INVS: variants seen among roughly 807,000 people sequenced by gnomAD.
INVS encodes inversion of embryo turning homolog.
A neutral mutation model predicts 108.8 loss-of-function variants in INVS; 86 were observed. The observed-to-expected ratio is 0.79, with a 90% confidence interval of 0.66 to 0.95. The LOEUF is 0.95. INVS is among the 40% of genes least tolerant of loss of function. INVS has a pLI of 0.00. For missense variants in INVS, 1,169 were observed against 1,297.4 expected, an observed-to-expected ratio of 0.90 and a Z score of 1.52; for synonymous variants, 455 against 473.5, an observed-to-expected ratio of 0.96 and a Z score of 0.51.
intron 3 of INVS, among the ~76,000 whole-genome samples, chr9:100,192,663 C>G (rs914709026): frequency 4.6e-5 from 7 of 152,192 alleles, no homozygotes; most frequent in Non-Finnish European, 1.0e-4. Context: ...CCACTTTACA[C>G]TCTGACCAAC....
intron 12 of INVS, among the ~76,000 whole-genome samples, chr9:100,280,309 C>A (rs1833236163): frequency 6.6e-6 from 1 of 152,176 alleles, no homozygotes. Context: ...TCCTCTTCAC[C>A]CTGTGGAGCA....
chr9:100,255,243 GT>G (rs1214585340), intron 10 of INVS, among the ~76,000 whole-genome samples: 1 of 152,188 alleles, frequency 6.6e-6, no homozygotes. Context: ...AGGAATGCTT[GT>G]GATTTTTGTA....
At chr9:100,219,504 C>A (rs928425377) in intron 3 of INVS, among the ~76,000 whole-genome samples, 3 of 152,070 alleles carry the variant, frequency 2.0e-5, no homozygotes, top group Non-Finnish European at 2.9e-5. Flanking sequence ...TCAGACAAAA[C>A]CCAGTGTGGT....
intron 11 of INVS, among the ~76,000 whole-genome samples, chr9:100,270,748 CAAAAAAA>C (rs746291227): frequency 3.0e-4 from 14 of 47,186 alleles, no homozygotes; most frequent in African/African-American, 6.8e-4. Flanking sequence ...AACTCCATCT[CAAAAAAA>C]AAAAAAAAAA....
chr9:100,245,268 GTTGTTTTTGTT>G (rs973497466), intron 7 of INVS, among the ~76,000 whole-genome samples: 2 of 151,766 alleles, frequency 1.3e-5, no homozygotes, highest in Non-Finnish European at 2.9e-5. Flanking sequence ...AATTTTTTTT[GTTGTTTTTGTT>G]TTGTTTTTGT....
intron 4 of INVS, among the ~76,000 whole-genome samples, chr9:100,228,535 T>C (rs1269148241): frequency 6.6e-6 from 1 of 152,224 alleles, no homozygotes; most frequent in African/African-American, 2.4e-5. Context: ...AGGTCCTTGG[T>C]GATAACCAGA....
rs542328399 is a variant in INVS, at chr9:100,156,016, A to G, written c.273+29467A>G. ...CCAGATTGTGTCTCTCAATACCACT[A>G]AAAGGAATCAGAACTCCTTAGAGAA... On this transcript the variant is annotated intron_variant, in intron 3 of 16. Coordinates refer to ENST00000262457, the MANE Select transcript of INVS (RefSeq NM_014425.5). 2.0e-5 allele frequency among the ~76,000 whole-genome samples: 3 copies of G among 152,284 alleles called. No homozygotes were observed. In the South Asian group the frequency reaches 6.2e-4, roughly 32 times the overall value.
At chr9:100,167,700 G>A (rs1320524417) in intron 3 of INVS, among the ~76,000 whole-genome samples, 1 of 151,982 alleles carries the variant, frequency 6.6e-6, no homozygotes, top group African/African-American at 2.4e-5. Flanking sequence ...CTGAAGTTGG[G>A]GTTTTATTTT....
chr9:100,150,302 C>G (rs1450273316), intron 3 of INVS, among the ~76,000 whole-genome samples: 1 of 152,176 alleles, frequency 6.6e-6, no homozygotes, highest in Admixed American at 6.5e-5. Flanking sequence ...CATCTCTTCT[C>G]TGACTCCCAT....
intron 10 of INVS, among the ~76,000 whole-genome samples, chr9:100,264,065 A>G (rs1832710727): frequency 2.0e-5 from 3 of 152,182 alleles, no homozygotes; most frequent in Non-Finnish European, 2.9e-5. Context: ...GCATTGTGAT[A>G]TCTTCCTTTT....
chr9:100,214,151 A>G (rs543628751), intron 3 of INVS, among the ~76,000 whole-genome samples: 17 of 152,190 alleles, frequency 1.1e-4, no homozygotes, highest in Non-Finnish European at 2.1e-4. Flanking sequence ...GGTATCAACT[A>G]TGTCCCTCAG....
In INVS at chr9:100,239,209, T is replaced by G. The variant is rs543454138; in HGVS notation, c.616-851T>G. ...GAAACATTAATTGCAGCATTGTCTG[T>G]AATAGTGAAAAAAAATGGGAATAGC... On this transcript the variant is annotated intron_variant, in intron 5 of 16. Transcript: ENST00000262457. Among the ~76,000 whole-genome samples, 11 of 152,286 alleles carry G rather than the reference T, an allele frequency of 7.2e-5. No individual in the cohort carries two copies. In the South Asian group the frequency reaches 2.3e-3, roughly 32 times the overall value.
chr9:100,257,558 T>C (rs1832462068), intron 10 of INVS, among the ~76,000 whole-genome samples: 1 of 152,240 alleles, frequency 6.6e-6, no homozygotes, highest in African/African-American at 2.4e-5. Context: ...GTTGTTCCTT[T>C]CCATGTTTAC....
intron 10 of INVS, among the ~76,000 whole-genome samples, chr9:100,259,136 C>G (rs746786925): frequency 6.6e-6 from 1 of 152,216 alleles, no homozygotes; most frequent in Non-Finnish European, 1.5e-5. Flanking sequence ...GCCCCTCCCC[C>G]AGCCTCGCTG....
chr9:100,297,108 C>T lies in INVS; in HGVS notation c.2978C>T (p.Thr993Ile). Residue 993 changes from threonine (T) to isoleucine (I), a missense_variant, in exon 15 of 17, where the codon ACA becomes ATA. By Grantham distance (89) the Thr-to-Ile change is moderately conservative. Coordinates refer to ENST00000262457, the MANE Select transcript of INVS (RefSeq NM_014425.5). ...PKSPSKGTSG[T>I]KSTKHSVLKQ... The stretch of plus-strand genomic sequence containing the variant: ...AGTCCATCCAAGGGCACCTCAGGCA[C>T]AAAGTCCACCAAGCACTCAGTGCTT... 6.2e-7 allele frequency: 1 copy of T among 1,614,094 alleles called. No homozygotes were observed. The highest frequency in any genetic ancestry group is 1.7e-5 in the Admixed American group (1 of 60,010).
intron 3 of INVS, among the ~76,000 whole-genome samples, chr9:100,149,904 G>A (rs142849196): frequency 2.8e-4 from 42 of 152,220 alleles, no homozygotes; most frequent in African/African-American, 1.0e-3. Context: ...GTTCTTCAAG[G>A]TCACCTTGTC....
At chr9:100,186,176 G>GT (rs1830049889) in intron 3 of INVS, among the ~76,000 whole-genome samples, 1 of 151,868 alleles carries the variant, frequency 6.6e-6, no homozygotes, top group Non-Finnish European at 1.5e-5. Context: ...TTGAGATGGA[G>GT]TTTCACTCCG....
chr9:100,175,878 C>T (rs1829696175), intron 3 of INVS: 2 of 612,020 alleles, frequency 3.3e-6, no homozygotes, highest in Non-Finnish European at 6.2e-6. Context: ...GGAGAGGAAT[C>T]TCTGCAAGTC....
At chr9:100,275,424 C>A (rs1833084039) in intron 12 of INVS, among the ~76,000 whole-genome samples, 2 of 152,204 alleles carry the variant, frequency 1.3e-5, no homozygotes, top group Non-Finnish European at 1.5e-5. Context: ...CTTTGTATGT[C>A]CCCTAAAGGG....
Sources: allele counts gnomAD v4.1 joint callset (sites outside exome capture counted in the v4.1 genomes callset), GRCh38; gene constraint gnomAD v4.1.1; transcripts MANE v1.5; gene names NCBI Gene and HGNC (gene_info 2026-07-23, HGNC 2026-07-21).